Variants in SIK3 observed in about 807,000 individuals in gnomAD.
SIK3 encodes serine/threonine-protein kinase SIK3.
SIK3 carries 28 observed loss-of-function variants against 144.2 expected under a neutral mutation model. The observed-to-expected ratio is 0.19, with a 90% CI of 0.14 to 0.27. The LOEUF (loss-of-function observed/expected upper bound fraction) is 0.27. Ranked by LOEUF, SIK3 falls within the 10% of genes least tolerant of loss-of-function variation. The pLI, the probability that SIK3 is intolerant of heterozygous loss-of-function variation, is 1.00. For synonymous variants in SIK3, 686 were observed against 676.3 expected (o/e 1.01, Z -0.22); for missense variants, 1,319 against 1,776.0 (o/e 0.74, Z 4.62).
At chr11:116,872,355 G>A (rs1944012542) in intron 13 of SIK3, among the ~76,000 whole-genome samples, 1 of 152,220 alleles carries the variant, frequency 6.6e-6, no homozygotes, top group Admixed American at 6.5e-5. Flanking sequence ...TTCCAAACCT[G>A]TCTTGCCCAT....
chr11:116,846,520 G>A lies in SIK3; in HGVS notation c.3986C>T (p.Pro1329Leu). 4 of 1,614,184 alleles carry A rather than the reference G, an allele frequency of 2.5e-6. No individual in the cohort carries two copies. The highest frequency in any genetic ancestry group is 3.4e-6 in the Non-Finnish European group (4 of 1,180,026). Residue 1329 changes from proline (P) to leucine (L), a missense_variant, in exon 24 of 25, where the codon CCA becomes CTA. By Grantham distance (98) the Pro-to-Leu change is moderately conservative. Transcript: ENST00000445177. The surrounding 1 kb of genome is among the most constrained non-coding windows in gnomAD (Gnocchi z 4.1). ...CGASLGGHEHPDLSDGSQHLN... is the reference protein window; with the variant it reads ...CGASLGGHEHLDLSDGSQHLN... ...ATGCTGGCTGCCATCACTCAGGTCT[G>A]GGTGCTCATGACCTCCCAGGCTTGC...
chr11:116,875,384 T>C lies in SIK3; in HGVS notation c.1307A>G (p.Gln436Arg). 6.2e-7 allele frequency: 1 copy of C among 1,614,188 alleles called. No individual in the cohort carries two copies. The highest frequency in any genetic ancestry group is 8.5e-7 in the Non-Finnish European group (1 of 1,180,032). ...CAGGTTGCTACTTGCCTCCACAATT[T>C]GGTTCTCTGGGTTGATCAGCTGCAC... ...PQVQLINPENQIVEPDGTLNL... is the reference protein window; with the variant it reads ...PQVQLINPENRIVEPDGTLNL... Residue 436 changes from glutamine to arginine, a missense_variant, in exon 10 of 25, where the codon CAA (glutamine) becomes CGA (arginine). Coordinates refer to ENST00000445177, the MANE Select transcript of SIK3 (RefSeq NM_001366686.3).
intron 1 of SIK3, among the ~76,000 whole-genome samples, chr11:117,065,558 G>A (rs1186027585): frequency 6.6e-6 from 1 of 151,850 alleles, no homozygotes; most frequent in African/African-American, 2.4e-5. Context: ...TCTATACAGC[G>A]GAGTTGATCA....
chr11:116,999,925 C>T (rs1950792776), intron 1 of SIK3, among the ~76,000 whole-genome samples: 1 of 152,132 alleles, frequency 6.6e-6, no homozygotes, highest in Non-Finnish European at 1.5e-5. Flanking sequence ...TGAAATCATG[C>T]CTACCTAGTC....
At chr11:116,935,695 A>C (rs560619331) in intron 3 of SIK3, among the ~76,000 whole-genome samples, 20 of 152,208 alleles carry the variant, frequency 1.3e-4, no homozygotes, top group Non-Finnish European at 2.5e-4. Flanking sequence ...AGAGGTTCTA[A>C]TCAGATCCTA....
chr11:116,856,396 T>C (rs1370925228), intron 21 of SIK3, among the ~76,000 whole-genome samples: 1 of 152,114 alleles, frequency 6.6e-6, no homozygotes, highest in Non-Finnish European at 1.5e-5. Context: ...CACAGGGTGT[T>C]GAAATTTGCT....
chr11:116,885,994 A>G (rs1211797827), intron 6 of SIK3, among the ~76,000 whole-genome samples: 6 of 152,222 alleles, frequency 3.9e-5, no homozygotes, highest in Non-Finnish European at 7.3e-5. Flanking sequence ...ACTATTATCC[A>G]TATCTCTGAA....
At chr11:116,894,928 G>A (rs1945316345) in intron 6 of SIK3, among the ~76,000 whole-genome samples, 1 of 152,128 alleles carries the variant, frequency 6.6e-6, no homozygotes, top group Non-Finnish European at 1.5e-5. Flanking sequence ...CAACATAGCA[G>A]CCAAAGTGAT....
In SIK3 at chr11:116,854,680, C is replaced by G. The variant is rs141691354; in HGVS notation, c.3655+3130G>C. Among the ~76,000 whole-genome samples, 369 of 152,306 alleles carry G rather than the reference C, an allele frequency of 2.4e-3. 1 individual carries two copies. Among genetic ancestry groups the G allele is most frequent in the African/African-American group, 8.5e-3 (352 of 41,556 alleles). ...AAAGGTTGAGAAGAGTGAGCTCCCCCACTTGCCTGCAGAGTGGTGGGGGCA... is the reference window on the plus strand; with the variant it reads ...AAAGGTTGAGAAGAGTGAGCTCCCCGACTTGCCTGCAGAGTGGTGGGGGCA... On this transcript the variant is annotated intron_variant, in intron 21 of 24. Coordinates refer to ENST00000445177, the MANE Select transcript of SIK3 (RefSeq NM_001366686.3).
rs1031805133 is a variant in SIK3 at position 117,011,215 on chromosome 11, CT to C, written c.274-54152del. 2.2e-3 allele frequency among the ~76,000 whole-genome samples: 339 copies of C among 151,720 alleles called. 3 individuals carry two copies. Among genetic ancestry groups the C allele is most frequent in the African/African-American group, 7.1e-3 (292 of 41,398 alleles). On this transcript the variant is annotated intron_variant, in intron 1 of 24. Transcript: ENST00000445177. ...GATGAAATCTGCAATCTCCACACTC[CT>C]TTTTTTTTCCCCCTGTAAACAGAAG...
At position 117,080,635 on chromosome 11, in the gene SIK3, G is replaced by A. The variant is rs927605873; in HGVS notation, c.273+17508C>T. Reference sequence around the variant, plus strand: ...ATATAAATGTGCAGAAACAACTTACGTAAAATTTGTAATTAAAACAATAAA... The same window carrying A: ...ATATAAATGTGCAGAAACAACTTACATAAAATTTGTAATTAAAACAATAAA... On this transcript the variant is annotated intron_variant, in intron 1 of 24. Coordinates refer to ENST00000445177, the MANE Select transcript of SIK3 (RefSeq NM_001366686.3). Among the ~76,000 whole-genome samples the A allele has an allele frequency of 7.2e-5, 11 of 152,122 alleles. 1 individual carries two copies. The South Asian group carries it at 8.3e-4, about 11-fold the overall frequency.
intron 4 of SIK3, among the ~76,000 whole-genome samples, chr11:116,907,987 TAAAA>T (rs34564120): frequency 1.4e-5 from 2 of 138,566 alleles, no homozygotes; most frequent in Non-Finnish European, 1.5e-5. Context: ...CGTTTTTATT[TAAAA>T]AAAAAAAAAA....
intron 1 of SIK3, among the ~76,000 whole-genome samples, chr11:116,980,270 T>C (rs1196922813): frequency 6.6e-6 from 1 of 152,166 alleles, no homozygotes; most frequent in Non-Finnish European, 1.5e-5. Flanking sequence ...TACAGGGGTG[T>C]CCAAGGGAGG....
At chr11:117,080,135 C>T (rs1954721522) in intron 1 of SIK3, among the ~76,000 whole-genome samples, 1 of 152,044 alleles carries the variant, frequency 6.6e-6, no homozygotes, top group African/African-American at 2.4e-5. Context: ...GAAAGACAAC[C>T]AACAGACAAA....
At chr11:116,974,611 C>T (rs1178632548) in intron 1 of SIK3, among the ~76,000 whole-genome samples, 1 of 152,142 alleles carries the variant, frequency 6.6e-6, no homozygotes, top group African/African-American at 2.4e-5. Flanking sequence ...ATTGCCCAGG[C>T]TGGACTCAAA....
At chr11:116,929,020 T>C (rs2135146960) in intron 3 of SIK3, among the ~76,000 whole-genome samples, 1 of 152,240 alleles carries the variant, frequency 6.6e-6, no homozygotes, top group Middle Eastern at 3.4e-3. Flanking sequence ...ATAAGTAAGC[T>C]CCCACTCGGG....
At chr11:117,037,800 A>G (rs1952578283) in intron 1 of SIK3, among the ~76,000 whole-genome samples, 2 of 152,174 alleles carry the variant, frequency 1.3e-5, no homozygotes, top group African/African-American at 4.8e-5. Flanking sequence ...AAAAACACAC[A>G]CACAAAAACC....
intron 1 of SIK3, among the ~76,000 whole-genome samples, chr11:116,981,596 A>C (rs965223444): frequency 6.6e-6 from 1 of 152,244 alleles, no homozygotes; most frequent in Non-Finnish European, 1.5e-5. Context: ...TACTGTTTCC[A>C]TATCTGGAAA....
At chr11:117,003,008 T>C (rs1421913194) in intron 1 of SIK3, among the ~76,000 whole-genome samples, 1 of 152,240 alleles carries the variant, frequency 6.6e-6, no homozygotes, top group Non-Finnish European at 1.5e-5. Context: ...GTGTTCTGCC[T>C]TAAGCATACA....
Sources: gnomAD v4.1 joint callset for allele counts (sites outside exome capture counted in the v4.1 genomes callset) on GRCh38, gnomAD v4.1.1 for gene constraint, Gnocchi (gnomAD v3.1) non-coding constraint, MANE v1.5 for transcripts, NCBI Gene and HGNC (gene_info 2026-07-23, HGNC 2026-07-21) for gene names.